The following NELL1 variants were observed in gnomAD, a reference collection of about 807,000 sequenced individuals.
The protein encoded by NELL1 is protein kinase C-binding protein NELL1.
NELL1 carries 76 observed loss-of-function variants against 107.4 expected under a neutral mutation model. The observed-to-expected ratio is 0.71, with a 90% CI of 0.59 to 0.86. The LOEUF is 0.86. Among genes scored for constraint, NELL1 ranks in the 40% least tolerant of loss-of-function variants. The pLI is 0.00. For synonymous variants in NELL1, 353 were observed against 341.2 expected, an observed-to-expected ratio of 1.03 and a Z score of -0.38; for missense variants, 1,024 against 1,005.5, an observed-to-expected ratio of 1.02 and a Z score of -0.25.
At chr11:21,164,499 A>C (rs1856439482) in intron 13 of NELL1, among the ~76,000 whole-genome samples, 1 of 152,210 alleles carries the variant, frequency 6.6e-6, no homozygotes, top group Non-Finnish European at 1.5e-5. Context: ...TGACCTAATT[A>C]GCCAAAGTGA....
At chr11:21,167,796 C>A (rs1004741181) in intron 13 of NELL1, among the ~76,000 whole-genome samples, 1 of 151,708 alleles carries the variant, frequency 6.6e-6, no homozygotes, top group African/African-American at 2.4e-5. Context: ...GTCTCTTTCC[C>A]CATTGTTTCA....
At chr11:21,238,563 G>A (rs1314116854) in intron 14 of NELL1, among the ~76,000 whole-genome samples, 1 of 152,018 alleles carries the variant, frequency 6.6e-6, no homozygotes, top group Non-Finnish European at 1.5e-5. Context: ...GTGGCAAAAT[G>A]AGCTTCAAAG....
At chr11:21,446,199 A>G (rs1367199352) in intron 15 of NELL1, among the ~76,000 whole-genome samples, 1 of 151,910 alleles carries the variant, frequency 6.6e-6, no homozygotes, top group Non-Finnish European at 1.5e-5. Flanking sequence ...TTTTAAAATT[A>G]TTTCAATTTA....
At chr11:21,375,314 C>T (rs1208321208) in intron 15 of NELL1, among the ~76,000 whole-genome samples, 1 of 152,102 alleles carries the variant, frequency 6.6e-6, no homozygotes. Flanking sequence ...ACTTGGTTTT[C>T]TGTTCCTGTG....
chr11:21,025,076 G>A (rs35598370), intron 12 of NELL1, among the ~76,000 whole-genome samples: 18,739 of 152,062 alleles, frequency 0.12, 1,287 homozygotes, highest in South Asian at 0.28. Context: ...ACCATGGTCT[G>A]TATAATGTTT....
intron 17 of NELL1, among the ~76,000 whole-genome samples, chr11:21,565,723 T>G (rs879806979): frequency 6.6e-6 from 1 of 151,984 alleles, no homozygotes; most frequent in Admixed American, 6.6e-5. Context: ...GATAAGTTTC[T>G]GTTTTGTTAT....
chr11:21,183,905 G>GA (rs1261032721), intron 13 of NELL1, among the ~76,000 whole-genome samples: 2 of 151,718 alleles, frequency 1.3e-5, no homozygotes, highest in Non-Finnish European at 2.9e-5. Context: ...GAAACAAAAG[G>GA]AAAAAAATCT....
intron 12 of NELL1, among the ~76,000 whole-genome samples, chr11:21,079,703 C>T (rs1347885231): frequency 6.6e-6 from 1 of 152,006 alleles, no homozygotes; most frequent in Non-Finnish European, 1.5e-5. Context: ...CACTATATGC[C>T]AAACTTCCAC....
chr11:21,129,544 A>G (rs1855567857), intron 13 of NELL1, among the ~76,000 whole-genome samples: 1 of 152,166 alleles, frequency 6.6e-6, no homozygotes, highest in African/African-American at 2.4e-5. Flanking sequence ...GCAAAATGTG[A>G]TACAGACATA....
At chr11:20,898,312 T>C (rs1849795144) in intron 5 of NELL1, among the ~76,000 whole-genome samples, 3 of 151,902 alleles carry the variant, frequency 2.0e-5, no homozygotes, top group Non-Finnish European at 2.9e-5. Flanking sequence ...CAGTAAACTA[T>C]TGCGAGGACA....
chr11:20,921,036 C>A (rs1394702161), intron 7 of NELL1, among the ~76,000 whole-genome samples: 1 of 152,064 alleles, frequency 6.6e-6, no homozygotes, highest in Non-Finnish European at 1.5e-5. Flanking sequence ...CTAGAATAAG[C>A]ATTGGCAAAC....
chr11:21,311,022 A>G (rs1849738226), intron 14 of NELL1, among the ~76,000 whole-genome samples: 1 of 152,118 alleles, frequency 6.6e-6, no homozygotes, highest in Non-Finnish European at 1.5e-5. Context: ...TGGCTTTATG[A>G]GCTGAAAATT....
intron 15 of NELL1, among the ~76,000 whole-genome samples, chr11:21,420,885 C>T (rs560982073): frequency 4.5e-4 from 68 of 152,036 alleles, no homozygotes; most frequent in Non-Finnish European, 5.9e-4. Context: ...AAATTCCTCC[C>T]TGAGGAAATT....
At chr11:21,568,881 T>A (rs1462281867) in intron 17 of NELL1, among the ~76,000 whole-genome samples, 1 of 146,010 alleles carries the variant, frequency 6.8e-6, no homozygotes, top group Non-Finnish European at 1.5e-5. Context: ...TTTTTTTTTT[T>A]ATAAGTAGGA....
intron 12 of NELL1, among the ~76,000 whole-genome samples, chr11:21,076,785 G>A (rs552506263): frequency 2.0e-5 from 3 of 152,180 alleles, no homozygotes; most frequent in Admixed American, 2.0e-4. Context: ...TTCCATGAGA[G>A]CTGGTTGTTA....
At chr11:21,277,602 A>G (rs542296601) in intron 14 of NELL1, among the ~76,000 whole-genome samples, 2 of 152,368 alleles carry the variant, frequency 1.3e-5, no homozygotes, top group Admixed American at 6.5e-5. Flanking sequence ...ATGCACATGT[A>G]TGTTTATTGC....
rs151124755 is a variant in NELL1 at position 21,410,953 on chromosome 11, T to C, written c.1645+40005T>C. Among the ~76,000 whole-genome samples the C allele has an allele frequency of 3.9e-3, 591 of 152,228 alleles. 6 individuals carry two copies. The South Asian group carries it at 0.041, about 11-fold the overall frequency. ...CCCCAACAGATGGTTCATATGGTGA[T>C]ATCTTCTGAAGAGAATATAGCCTGG... is the stretch of plus-strand genomic sequence containing the variant. On this transcript the variant is annotated intron_variant, in intron 15 of 19. Coordinates refer to ENST00000357134, the MANE Select transcript of NELL1 (RefSeq NM_006157.5).
At chr11:21,315,434 G>GA (rs141239997) in intron 14 of NELL1, among the ~76,000 whole-genome samples, 2,844 of 152,208 alleles carry the variant, frequency 0.019, 89 homozygotes, top group African/African-American at 0.066. Context: ...CCAGATTCAG[G>GA]ATGGGTTTAG....
chr11:20,981,374 G>C (rs1353829512), intron 12 of NELL1, among the ~76,000 whole-genome samples: 1 of 152,122 alleles, frequency 6.6e-6, no homozygotes, highest in Non-Finnish European at 1.5e-5. Flanking sequence ...AGGTATGTGG[G>C]TATGACAGAA....
Sources: gnomAD v4.1 joint callset for allele counts (sites outside exome capture counted in the v4.1 genomes callset) on GRCh38, gnomAD v4.1.1 for gene constraint, MANE v1.5 for transcripts, NCBI Gene and HGNC (gene_info 2026-07-23, HGNC 2026-07-21) for gene names.